AGBL3: variants seen among roughly 807,000 people sequenced by gnomAD.
AGBL3 encodes cytosolic carboxypeptidase 3.
A neutral mutation model predicts 94.5 loss-of-function variants in AGBL3; 68 were observed. That is an observed-to-expected ratio of 0.72 (90% CI 0.59 to 0.88). The LOEUF is 0.88. Among genes scored for constraint, AGBL3 ranks in the 40% least tolerant of loss-of-function variants. The pLI, the probability that AGBL3 is intolerant of heterozygous loss-of-function variation, is 0.00. For missense variants in AGBL3, 934 were observed against 1,103.8 expected, an observed-to-expected ratio of 0.85 and a Z score of 2.18; for synonymous variants, 354 against 370.7, an observed-to-expected ratio of 0.95 and a Z score of 0.52.
chr7:135,097,132 A>T (rs1823020995), intron 15 of AGBL3, among the ~76,000 whole-genome samples: 1 of 152,220 alleles, frequency 6.6e-6, no homozygotes, highest in South Asian at 2.1e-4. Flanking sequence ...CACATCATTC[A>T]TTCCCTTGAT....
chr7:135,088,465 T>A (rs1440958778), intron 15 of AGBL3, among the ~76,000 whole-genome samples: 1 of 152,180 alleles, frequency 6.6e-6, no homozygotes, highest in African/African-American at 2.4e-5. Context: ...TGTGTATCTG[T>A]TCTGCCAGTG....
chr7:135,009,212 G>C (rs549816328), intron 4 of AGBL3, among the ~76,000 whole-genome samples: 1 of 152,258 alleles, frequency 6.6e-6, no homozygotes, highest in East Asian at 1.9e-4. Flanking sequence ...GTGCCACATG[G>C]TGGAAACAAC....
At chr7:135,078,971 T>C (rs962302468) in intron 13 of AGBL3, among the ~76,000 whole-genome samples, 9 of 152,184 alleles carry the variant, frequency 5.9e-5, no homozygotes, top group Non-Finnish European at 1.3e-4. Context: ...TGGCAAATTA[T>C]TTTAAAAATA....
At chr7:135,031,853 C>T (rs759845710) in intron 5 of AGBL3, among the ~76,000 whole-genome samples, 18 of 152,132 alleles carry the variant, frequency 1.2e-4, no homozygotes, top group Non-Finnish European at 2.1e-4. Flanking sequence ...CATCTCAGCC[C>T]GCAGTGGTGC....
intron 4 of AGBL3, among the ~76,000 whole-genome samples, chr7:135,004,135 T>C (rs1333213762): frequency 6.6e-6 from 1 of 151,794 alleles, no homozygotes; most frequent in African/African-American, 2.4e-5. Flanking sequence ...AAGAAAACTT[T>C]ACCAGAAATT....
intron 15 of AGBL3, chr7:135,094,141 T>C (rs1331229198): frequency 3.2e-6 from 1 of 310,210 alleles, no homozygotes; most frequent in Non-Finnish European, 6.3e-6. Context: ...AAACTACTCT[T>C]AGAAGAAAAT....
chr7:135,133,191 G>A (rs1003156849), intron 16 of AGBL3, among the ~76,000 whole-genome samples: 14 of 152,012 alleles, frequency 9.2e-5, no homozygotes, highest in Admixed American at 8.5e-4. Context: ...ATGAACATGT[G>A]AACACCAAAA....
chr7:135,112,108 T>C (rs1192350520), intron 15 of AGBL3, among the ~76,000 whole-genome samples: 1 of 152,216 alleles, frequency 6.6e-6, no homozygotes, highest in Non-Finnish European at 1.5e-5. Flanking sequence ...GCTCTATCCA[T>C]TCTACCTCTA....
intron 16 of AGBL3, among the ~76,000 whole-genome samples, chr7:135,124,824 GA>G (rs1286562075): frequency 3.9e-5 from 6 of 152,164 alleles, no homozygotes; most frequent in African/African-American, 1.4e-4. Context: ...AATTAAAGCA[GA>G]AATCAAGAAG....
At chr7:135,116,784 T>C (rs1826379965) in intron 16 of AGBL3, among the ~76,000 whole-genome samples, 1 of 152,208 alleles carries the variant, frequency 6.6e-6, no homozygotes, top group Non-Finnish European at 1.5e-5. Flanking sequence ...TCTGTGGTGC[T>C]TGGCTGGAGT....
At chr7:135,066,798 T>A (rs11767226) in intron 12 of AGBL3, among the ~76,000 whole-genome samples, 73,451 of 151,740 alleles carry the variant, frequency 0.48, 18,096 homozygotes, top group South Asian at 0.66. Flanking sequence ...CAGTCTACAG[T>A]TCCCAGTGTG....
At chr7:135,108,834 TG>T (rs1353144751) in intron 15 of AGBL3, among the ~76,000 whole-genome samples, 4 of 152,226 alleles carry the variant, frequency 2.6e-5, no homozygotes, top group Admixed American at 6.5e-5. Flanking sequence ...TTCATAAATT[TG>T]GCCTCTTTAC....
chr7:135,015,760 A>G (rs1265411849), intron 4 of AGBL3, among the ~76,000 whole-genome samples: 1 of 151,564 alleles, frequency 6.6e-6, no homozygotes, highest in Non-Finnish European at 1.5e-5. Context: ...CACGCCTGTA[A>G]TCCCAGCACT....
intron 15 of AGBL3, among the ~76,000 whole-genome samples, chr7:135,087,416 T>A (rs1319541485): frequency 6.6e-6 from 1 of 151,956 alleles, no homozygotes; most frequent in Non-Finnish European, 1.5e-5. Flanking sequence ...TTGTGTTACA[T>A]AATTAGGTTG....
At chr7:135,099,877 T>C (rs1316578822) in intron 15 of AGBL3, 1 of 134,256 alleles carries the variant, frequency 7.4e-6, no homozygotes, top group Non-Finnish European at 1.5e-5. Flanking sequence ...ATTGTCTGAG[T>C]TTCTCTTTTT....
chr7:135,021,829 CCT>C (rs1243059825), intron 5 of AGBL3, among the ~76,000 whole-genome samples: 1 of 152,034 alleles, frequency 6.6e-6, no homozygotes, highest in Non-Finnish European at 1.5e-5. Context: ...TTGCCTTTGC[CCT>C]GAGAGGCCCC....
At chr7:134,999,282 C>A (rs375298343) in intron 4 of AGBL3, among the ~76,000 whole-genome samples, 2 of 152,200 alleles carry the variant, frequency 1.3e-5, no homozygotes, top group African/African-American at 4.8e-5. Context: ...CTAGTCCTGT[C>A]AGGACCCTTT....
intron 15 of AGBL3, among the ~76,000 whole-genome samples, chr7:135,098,178 C>A (rs1209876540): frequency 6.6e-6 from 1 of 152,114 alleles, no homozygotes; most frequent in African/African-American, 2.4e-5. Context: ...AGTCTAAATA[C>A]CTGCCGTTGC....
chr7:135,041,249 TTATAGA>T (rs927811880), intron 8 of AGBL3, among the ~76,000 whole-genome samples: 5 of 152,108 alleles, frequency 3.3e-5, no homozygotes, highest in African/African-American at 1.2e-4. Context: ...GCATAATTGT[TTATAGA>T]TATAAACAGG....
Sources: gnomAD v4.1 joint callset for allele counts (sites outside exome capture counted in the v4.1 genomes callset) on GRCh38, gnomAD v4.1.1 for gene constraint, MANE v1.5 for transcripts, NCBI Gene and HGNC (gene_info 2026-07-23, HGNC 2026-07-21) for gene names.